KAZN: variants seen among roughly 807,000 people sequenced by gnomAD.
KAZN encodes kazrin, periplakin interacting protein.
KAZN carries 40 observed loss-of-function variants against 87.4 expected under a neutral mutation model. The ratio of observed to expected loss-of-function variants is 0.46; its 90% confidence interval spans 0.36 to 0.60. The LOEUF is 0.60. Ranked by LOEUF, KAZN falls within the 20% of genes least tolerant of loss-of-function variation. KAZN has a pLI of 0.00. For missense variants in KAZN, 898 were observed against 1,073.9 expected, an observed-to-expected ratio of 0.84 and a Z score of 2.29; for synonymous variants, 466 against 458.3, an observed-to-expected ratio of 1.02 and a Z score of -0.22.
chr1:14,263,396 T>G (rs1651230493), intron 2 of KAZN, among the ~76,000 whole-genome samples: 1 of 152,246 alleles, frequency 6.6e-6, no homozygotes, highest in South Asian at 2.1e-4. Flanking sequence ...TCACAGGGTG[T>G]GCTCTCAGCT....
At chr1:15,101,485 CGTCT>C (rs1381103548) in intron 10 of KAZN, 54 bp from the exon 11 acceptor site, 4 of 1,180,304 alleles carry the variant, frequency 3.4e-6, no homozygotes, top group South Asian at 1.3e-5. Context: ...TCTGCCCGTC[CGTCT>C]GTTTCTGCCG....
chr1:13,994,387 T>A (rs1445068854), intron 1 of KAZN, among the ~76,000 whole-genome samples: 1 of 152,240 alleles, frequency 6.6e-6, no homozygotes, highest in Non-Finnish European at 1.5e-5. Flanking sequence ...TTTGCACCAA[T>A]TCTGTTCTCC....
rs1553145794 is a variant in KAZN, at chr1:14,214,236, G to GCTCT, written c.249+33646_249+33647insCTCT. Reference sequence around the variant, plus strand: ...CCCGGTCTTACCTCACCTCACTCCGGCTTTCTTTGGAGTGTACATCGTTAT... The same window carrying GCTCT: ...CCCGGTCTTACCTCACCTCACTCCGGCTCTCTTTCTTTGGAGTGTACATCGTTAT... On this transcript the variant is annotated intron_variant, in intron 2 of 16. Transcript: ENST00000636203. 6.0e-4 allele frequency among the ~76,000 whole-genome samples: 7 copies of GCTCT among 11,654 alleles called. No individual in the cohort carries two copies. The African/African-American group carries it at 6.2e-3, about 10-fold the overall frequency. 7.6% of individuals were successfully genotyped at this position (11,654 alleles called of 152,430 possible). A position where few individuals can be genotyped will look rare whatever the true frequency, so the allele number is the denominator to read the frequency against.
At chr1:14,766,732 C>T (rs1644894860) in intron 1 of KAZN, among the ~76,000 whole-genome samples, 1 of 150,938 alleles carries the variant, frequency 6.6e-6, no homozygotes, top group African/African-American at 2.4e-5. Flanking sequence ...CGATGGGAGG[C>T]AGTGTAGCGC....
chr1:14,826,822 C>T (rs761197522), intron 1 of KAZN, among the ~76,000 whole-genome samples: 5 of 152,142 alleles, frequency 3.3e-5, no homozygotes, highest in Non-Finnish European at 7.3e-5. Context: ...TTCAGGCCGC[C>T]TTTGCTCTTC....
At chr1:14,618,219 C>G (rs947381735) in intron 1 of KAZN, among the ~76,000 whole-genome samples, 1 of 152,164 alleles carries the variant, frequency 6.6e-6, no homozygotes, top group East Asian at 1.9e-4. Context: ...ATGGCCCCAG[C>G]CCCGGCGTGT....
chr1:14,239,529 C>T (rs1304703389), intron 2 of KAZN, among the ~76,000 whole-genome samples: 3 of 138,936 alleles, frequency 2.2e-5, no homozygotes, highest in Admixed American at 8.3e-5. Flanking sequence ...GGCGCAATCT[C>T]GGCTCACTGC....
intron 1 of KAZN, among the ~76,000 whole-genome samples, chr1:14,107,046 TCTTC>T (rs376917946): frequency 0.018 from 2,065 of 115,490 alleles, 19 homozygotes; most frequent in Middle Eastern, 0.045. Flanking sequence ...TCCCTTCCTT[TCTTC>T]CTTCCTTCCT....
intron 1 of KAZN, among the ~76,000 whole-genome samples, chr1:13,966,429 T>TG (rs1641947151): frequency 6.6e-6 from 1 of 152,160 alleles, no homozygotes. Context: ...CAGTGCTTTC[T>TG]GGGGGTGGGG....
At chr1:14,637,037 G>A (rs878923144) in intron 1 of KAZN, among the ~76,000 whole-genome samples, 1 of 152,164 alleles carries the variant, frequency 6.6e-6, no homozygotes, top group Admixed American at 6.5e-5. Context: ...AATCTGAGCT[G>A]ACAGTTTATG....
chr1:13,953,366 A>G (rs1409564060), intron 1 of KAZN, among the ~76,000 whole-genome samples: 1 of 152,182 alleles, frequency 6.6e-6, no homozygotes, highest in African/African-American at 2.4e-5. Flanking sequence ...ACTACGGGAG[A>G]GAGGCTTTTG....
At chr1:13,992,521 T>C (rs1237367589) in intron 1 of KAZN, among the ~76,000 whole-genome samples, 5 of 152,164 alleles carry the variant, frequency 3.3e-5, no homozygotes, top group Admixed American at 2.0e-4. Context: ...AGGAGTACCT[T>C]CTACTGGAAG....
chr1:15,075,965 C>T (rs1639720526), intron 8 of KAZN, among the ~76,000 whole-genome samples: 1 of 152,220 alleles, frequency 6.6e-6, no homozygotes, highest in Non-Finnish European at 1.5e-5. Flanking sequence ...ATTCCTTTCC[C>T]TGGGACAGGC....
intron 2 of KAZN, among the ~76,000 whole-genome samples, 166 bp downstream of exon 2, chr1:14,961,041 T>G (rs1302025827): frequency 6.6e-6 from 1 of 152,226 alleles, no homozygotes; most frequent in African/African-American, 2.4e-5. Context: ...CTGCATCTTG[T>G]GGGCTGGGTG....
chr1:14,457,411 T>C (rs182017844), intron 2 of KAZN, among the ~76,000 whole-genome samples: 4 of 152,340 alleles, frequency 2.6e-5, no homozygotes, highest in Admixed American at 2.6e-4. Context: ...ACATCTATAT[T>C]CTATATGTAC....
Position 14,324,273 on chromosome 1 carries a change from T to C in KAZN, c.249+143681T>C, listed in dbSNP as rs147563593. 4.9e-3 allele frequency among the ~76,000 whole-genome samples: 745 copies of C among 152,350 alleles called. 8 individuals are homozygous for C. Among genetic ancestry groups the C allele is most frequent in the Non-Finnish European group, 7.7e-3 (524 of 68,028 alleles). On this transcript the variant is annotated intron_variant, in intron 2 of 16. Transcript: ENST00000636203. Reference sequence around the variant, plus strand: ...TGCCATATATTGTAGGCTTGGGTTATGGCAGCACCTAAATGAGGTCCCAAT... The same window carrying C: ...TGCCATATATTGTAGGCTTGGGTTACGGCAGCACCTAAATGAGGTCCCAAT...
At chr1:15,009,223 G>T (rs534116711) in intron 2 of KAZN, among the ~76,000 whole-genome samples, 41 of 152,314 alleles carry the variant, frequency 2.7e-4, no homozygotes, top group Middle Eastern at 3.4e-3. Flanking sequence ...CACGCCCAGG[G>T]TTAGAGCCTG....
chr1:14,736,191 G>A (rs910724770), intron 1 of KAZN, among the ~76,000 whole-genome samples: 1 of 151,694 alleles, frequency 6.6e-6, no homozygotes, highest in African/African-American at 2.4e-5. Context: ...ATGGGAAGGG[G>A]GTACTTTTTA....
intron 2 of KAZN, among the ~76,000 whole-genome samples, chr1:14,521,479 T>G (rs1456255432): frequency 6.6e-6 from 1 of 152,182 alleles, no homozygotes; most frequent in African/African-American, 2.4e-5. Context: ...GGCCAGGCCT[T>G]TCTGTGAAAT....
Sources: gnomAD v4.1 joint callset for allele counts (sites outside exome capture counted in the v4.1 genomes callset) on GRCh38, gnomAD v4.1.1 for gene constraint, MANE v1.5 for transcripts, NCBI Gene and HGNC (gene_info 2026-07-23, HGNC 2026-07-21) for gene names.